CHTF18: variants seen among roughly 807,000 people sequenced by gnomAD.
The protein encoded by CHTF18 is chromosome transmission fidelity protein 18 homolog.
In CHTF18, 151 loss-of-function variants were observed where a neutral mutation model predicts 113.4. The observed-to-expected ratio is 1.33, with a 90% CI of 1.17 to 1.52. The LOEUF is 1.52. Ranked by LOEUF, CHTF18 falls within the 40% of genes most tolerant of loss-of-function variation. The probability of loss-of-function intolerance (pLI) is 0.00; values close to 1 mark genes in which losing one functional copy is unlikely to be tolerated. For synonymous variants in CHTF18, 916 were observed against 598.8 expected, an observed-to-expected ratio of 1.53 and a Z score of -7.74; for missense variants, 1,982 against 1,381.6, an observed-to-expected ratio of 1.43 and a Z score of -6.89.
At chr16:789,963 C>A in intron 4 of CHTF18, 4 of 1,534,324 alleles carry the variant, frequency 2.6e-6, no homozygotes, top group Admixed American at 2.0e-5. Context: ...TGCTTTTGCC[C>A]TTTCCTCCTT....
intron 15 of CHTF18, 109 bp downstream of exon 15, chr16:794,310 G>A: frequency 7.7e-7 from 1 of 1,300,032 alleles, no homozygotes; most frequent in Non-Finnish European, 1.1e-6. Context: ...CTTTGGGGGT[G>A]CTGAGAGAGG....
rs780482400 is a variant in CHTF18, at chr16:789,264, C to A, written c.341C>A (p.Ser114Ter). Residue 114 changes from serine to a stop codon, truncating the protein, a stop_gained, in exon 3 of 22, where the codon TCG becomes TAG. Transcript: ENST00000262315. LOFTEE classifies it high-confidence loss of function. ...LQVVKRLNFR[S>*]EEMEEPPPPD... Reference sequence around the variant, plus strand: ...GTGGTCAAGAGGCTGAACTTCAGATCGGAGGAGATGGAGGAGCCGCCCCCT... The same window carrying A: ...GTGGTCAAGAGGCTGAACTTCAGATAGGAGGAGATGGAGGAGCCGCCCCCT... 3 of 1,565,252 alleles carry A rather than the reference C, an allele frequency of 1.9e-6. No homozygotes were observed. Among genetic ancestry groups the A allele is most frequent in the Non-Finnish European group, 2.6e-6 (3 of 1,156,172 alleles).
Position 791,183 on chromosome 16 carries a change from A to G in CHTF18, c.917A>G (p.Lys306Arg). The G allele has an allele frequency of 6.2e-7, 1 of 1,611,490 alleles. No individual in the cohort carries two copies. The highest frequency in any genetic ancestry group is 8.5e-7 in the Non-Finnish European group (1 of 1,179,454). ...SDDFTNRCLL[K>R]WLKLWDLVVF... ...CAGTTCACCAACCGCTGCCTGCTCA[A>G]GTGGCTGAAGTTGTGGGACCTGGTG... The change falls in exon 8 of 22, where the codon AAG becomes AGG. Residue 306 changes from lysine (K) to arginine (R), a missense_variant. Coordinates refer to ENST00000262315, the MANE Select transcript of CHTF18 (RefSeq NM_022092.3).
chr16:795,798 C>T lies in CHTF18; in HGVS notation c.2289C>T (p.Cys763=). 6.2e-7 allele frequency: 1 copy of T among 1,610,060 alleles called. No individual in the cohort carries two copies. The highest frequency in any genetic ancestry group is 8.5e-7 in the Non-Finnish European group (1 of 1,179,068). Residue 763 remains cysteine, a synonymous_variant, in exon 17 of 22, where the codon TGC becomes TGT. Coordinates refer to ENST00000262315, the MANE Select transcript of CHTF18 (RefSeq NM_022092.3). ...TPQALLLDAL[C]LLLDILAPKL... ...AGGCCCTGCTCCTCGATGCCCTCTG[C>T]CTGCTCCTGGACATTCTTGCACCCA...
intron 20 of CHTF18, 96 bp from the exon 21 acceptor site, chr16:797,598 C>G: frequency 7.3e-7 from 1 of 1,378,810 alleles, no homozygotes. Flanking sequence ...GTGTTCTGGT[C>G]CCTCCTCCCT....
In CHTF18 at chr16:790,609, C is replaced by T. The variant is rs898694800; in HGVS notation, c.837C>T (p.His279=). 1.6e-5 allele frequency: 25 copies of T among 1,596,054 alleles called. No homozygotes were observed. The highest frequency in any genetic ancestry group is 2.0e-5 in the Non-Finnish European group (23 of 1,172,844). The change falls in exon 7 of 22, where the codon CAC becomes CAT. Residue 279 remains histidine, a synonymous_variant. Coordinates refer to ENST00000262315, the MANE Select transcript of CHTF18 (RefSeq NM_022092.3). Reference sequence around the variant, plus strand: ...CTGACGGTCAAGACGCCTCCAGTCACTGCCTCTGGGTGGATGAGTTTGCAC... The same window carrying T: ...CTGACGGTCAAGACGCCTCCAGTCATTGCCTCTGGGTGGATGAGTTTGCAC... ...EPTDGQDASS[H]CLWVDEFAPR...
At chr16:790,439 G>C (rs1018554427) in intron 6 of CHTF18, 40 bp downstream of exon 6, 1 of 1,611,538 alleles carries the variant, frequency 6.2e-7, no homozygotes, top group Non-Finnish European at 8.5e-7. Context: ...ACCCTTGTTG[G>C]CTCTTGCACC....
Position 794,839 on chromosome 16 carries a change from C to T in CHTF18, c.1951-293C>T, listed in dbSNP as rs2042293684. The T allele has an allele frequency of 3.7e-5, 17 of 453,420 alleles. No individual in the cohort carries two copies. The South Asian group carries it at 4.2e-4, about 11-fold the overall frequency. The allele number at this position is 453,420 out of a possible 1,614,324, so 28.1% of individuals were successfully genotyped here. On this transcript the variant is annotated intron_variant, in intron 15 of 21. Coordinates refer to ENST00000262315, the MANE Select transcript of CHTF18 (RefSeq NM_022092.3). ...CTGGATCCCTTTGGTTCCTGGAGGCCTCCTGGTGGGTCACCCCCTCGTGTC... is the reference window on the plus strand; with the variant it reads ...CTGGATCCCTTTGGTTCCTGGAGGCTTCCTGGTGGGTCACCCCCTCGTGTC...
chr16:791,681 C>A lies in CHTF18; in HGVS notation c.1105-170C>A. 1.4e-6 allele frequency: 2 copies of A among 1,424,214 alleles called. 1 individual carries two copies. The highest frequency in any genetic ancestry group is 3.0e-5 in the South Asian group (2 of 66,012). The allele number at this position is 1,424,214 out of a possible 1,614,324, so 88.2% of individuals were successfully genotyped here. A position where few individuals can be genotyped will look rare whatever the true frequency, so the allele number is the denominator to read the frequency against. The stretch of plus-strand genomic sequence containing the variant: ...CTTTGCTTTGTGTAGGTTTTTTTTT[C>A]CGTTGCCATCTTGGTGTGTGAAAGT... On this transcript the variant is annotated intron_variant, in intron 8 of 21. Coordinates refer to ENST00000262315, the MANE Select transcript of CHTF18 (RefSeq NM_022092.3).
chr16:794,613 C>A (rs1032512680), intron 15 of CHTF18: 1 of 246,494 alleles, frequency 4.1e-6, no homozygotes, highest in East Asian at 9.5e-5. Flanking sequence ...CCCGCCTAAG[C>A]TGTCTGCTGA....
At position 789,120 on chromosome 16, in the gene CHTF18, C is replaced by T. The variant is rs1228451094; in HGVS notation, c.281C>T (p.Pro94Leu). 3.9e-6 allele frequency: 6 copies of T among 1,541,096 alleles called. No individual in the cohort carries two copies. The highest frequency in any genetic ancestry group is 5.3e-6 in the Non-Finnish European group (6 of 1,142,638). ...DADLQPAGSL[P>L]HAPRIKRPRL... The stretch of plus-strand genomic sequence containing the variant: ...GACCTGCAGCCGGCCGGGTCCCTGC[C>T]CCACGGTAGGTTGGCGGCATTGCCC... Residue 94 changes from proline to leucine, a missense_variant, in exon 2 of 22, where the codon CCC becomes CTC. Transcript: ENST00000262315.
At chr16:795,386 C>T in intron 16 of CHTF18, 30 bp downstream of exon 16, 1 of 1,523,496 alleles carries the variant, frequency 6.6e-7, no homozygotes, top group Non-Finnish European at 8.9e-7. Context: ...ACGCCTGCCC[C>T]CGGCCCCGTG....
rs2042359989 is a variant in CHTF18, at chr16:796,771, C to T, written c.2511C>T (p.Thr837=). ...AGCTGCCTGCCCGCAAGCCCCTCAC[C>T]TACCAGACGAAGCAGCTCATCGCCC... The part of the protein sequence containing the change: ...FPELPARKPL[T]YQTKQLIARE... Residue 837 remains threonine (T), a synonymous_variant, in exon 19 of 22, where the codon ACC becomes ACT. Transcript: ENST00000262315. The T allele has an allele frequency of 5.0e-6, 8 of 1,609,450 alleles. No individual in the cohort carries two copies. In the East Asian group the frequency reaches 6.7e-5, roughly 13 times the overall value.
At position 794,128 on chromosome 16, in the gene CHTF18, C is replaced by T. The variant is rs374811416; in HGVS notation, c.1877C>T (p.Thr626Ile). The T allele has an allele frequency of 6.1e-5, 99 of 1,612,354 alleles. No homozygotes were observed. Among genetic ancestry groups the T allele is most frequent in the East Asian group, 1.1e-4 (5 of 44,882 alleles). Reference protein sequence around the residue: ...LLGDGDAGSLTSASQRFYRVL... With the variant: ...LLGDGDAGSLISASQRFYRVL... ...GGTGACGGGGACGCGGGCTCCCTCA[C>T]CTCCGCCTCACAGCGATTCTACCGT... is the stretch of plus-strand genomic sequence containing the variant. The change falls in exon 15 of 22, where the codon ACC becomes ATC. Residue 626 changes from threonine to isoleucine, a missense_variant. Transcript: ENST00000262315.
In CHTF18 at chr16:789,217, G is replaced by A. The variant is rs1189589392; in HGVS notation, c.294G>A (p.Arg98=). ...TGCATGTGTCTCCCCCAGCCCCCAG[G>A]ATCAAACGGCCTAGGCTGCAGGTGG... The part of the protein sequence containing the change: ...QPAGSLPHAP[R]IKRPRLQVVK... Residue 98 remains arginine (R), a synonymous_variant, in exon 3 of 22, where the codon AGG becomes AGA. Coordinates refer to ENST00000262315, the MANE Select transcript of CHTF18 (RefSeq NM_022092.3). The A allele has an allele frequency of 3.9e-6, 6 of 1,551,556 alleles. No individual in the cohort carries two copies. Among genetic ancestry groups the A allele is most frequent in the South Asian group, 2.4e-5 (2 of 84,246 alleles).
Position 795,942 on chromosome 16 carries a change from C to G in CHTF18, c.2326-5C>G. ...GCTCCCTGTCTGCTGCCTCCCATCCCCTAGGTGAGCACACAGCTGTACAGC... is the reference window on the plus strand; with the variant it reads ...GCTCCCTGTCTGCTGCCTCCCATCCGCTAGGTGAGCACACAGCTGTACAGC... On this transcript the variant is annotated splice_polypyrimidine_tract_variant and splice_region_variant and intron_variant, in intron 17 of 21. Coordinates refer to ENST00000262315, the MANE Select transcript of CHTF18 (RefSeq NM_022092.3). 5 of 1,609,974 alleles carry G rather than the reference C, an allele frequency of 3.1e-6. No individual in the cohort carries two copies. Among genetic ancestry groups the G allele is most frequent in the Non-Finnish European group, 4.2e-6 (5 of 1,178,814 alleles).
Position 792,312 on chromosome 16 carries a change from T to A in CHTF18, c.1291T>A (p.Cys431Ser). 1 of 1,553,276 alleles carries A rather than the reference T, an allele frequency of 6.4e-7. No homozygotes were observed. The highest frequency in any genetic ancestry group is 8.7e-7 in the Non-Finnish European group (1 of 1,148,800). ...GCTGGGTGCTGGCGGGAAGCCCAAC[T>A]GCCTGGTCATCGATGAGATCGACGG... ...SVLGAGGKPN[C>S]LVIDEIDGAP... The change falls in exon 10 of 22, where the codon TGC becomes AGC. Residue 431 changes from cysteine to serine, a missense_variant. Transcript: ENST00000262315.
At chr16:793,349 C>T (rs2042254438) in intron 14 of CHTF18, 75 bp downstream of exon 14, 5 of 1,538,136 alleles carry the variant, frequency 3.3e-6, no homozygotes, top group Non-Finnish European at 4.4e-6. Context: ...GTGTGCAGGC[C>T]AGCACTACCT....
At position 788,793 on chromosome 16, in the gene CHTF18, G is replaced by T; in HGVS notation, c.91+18G>T. On this transcript the variant is annotated intron_variant, in intron 1 of 21. Coordinates refer to ENST00000262315, the MANE Select transcript of CHTF18 (RefSeq NM_022092.3). ...GCTGGAAGGTGGGGCGCGGCCCCCGGCCGTTGGGGAGGAGCTGCGAAAGCC... is the reference window on the plus strand; with the variant it reads ...GCTGGAAGGTGGGGCGCGGCCCCCGTCCGTTGGGGAGGAGCTGCGAAAGCC... 1 of 1,582,116 alleles carries T rather than the reference G, an allele frequency of 6.3e-7. No individual in the cohort carries two copies. The highest frequency in any genetic ancestry group is 1.8e-5 in the Admixed American group (1 of 55,344).
Sources: allele counts gnomAD v4.1 joint callset, GRCh38; gene constraint gnomAD v4.1.1; transcripts MANE v1.5; gene names NCBI Gene and HGNC (gene_info 2026-07-23, HGNC 2026-07-21).